Variants in MAP3K9 observed in about 807,000 individuals in gnomAD.
MAP3K9 encodes the protein mixed lineage kinase 1 (tyr and ser/thr specificity).
In MAP3K9, 46 loss-of-function variants were observed where a neutral mutation model predicts 95.8. The ratio of observed to expected loss-of-function variants is 0.48; its 90% CI spans 0.38 to 0.61. The LOEUF (loss-of-function observed/expected upper bound fraction) is 0.61. Ranked by LOEUF, MAP3K9 falls within the 20% of genes least tolerant of loss-of-function variation. The probability of loss-of-function intolerance (pLI) is 0.00; values close to 1 mark genes in which losing one functional copy is unlikely to be tolerated. For synonymous variants in MAP3K9, 533 were observed against 593.8 expected (o/e 0.90, Z 1.49); for missense variants, 1,296 against 1,474.3 (o/e 0.88, Z 1.98).
At chr14:70,798,471 G>GTTTTTTTTTTTTTTTTTTTTTTTTTTTT (rs1170327816) in intron 2 of MAP3K9, among the ~76,000 whole-genome samples, 1 of 65,440 alleles carries the variant, frequency 1.5e-5, no homozygotes, top group Non-Finnish European at 2.7e-5. Flanking sequence ...GTCACCAAAA[G>GTTTTTTTTTTTTTTTTTTTTTTTTTTTT]TTTTTTTTTT....
Position 70,734,410 on chromosome 14 carries a change from C to A in MAP3K9, c.2002G>T (p.Gly668Trp), listed in dbSNP as rs1263923343. The A allele has an allele frequency of 6.2e-7, 1 of 1,614,018 alleles. No individual in the cohort carries two copies. Among genetic ancestry groups the A allele is most frequent in the East Asian group, 2.2e-5 (1 of 44,882 alleles). Residue 668 changes from glycine to tryptophan, a missense_variant, in exon 10 of 12, where the codon GGG (glycine) becomes TGG (tryptophan). Physicochemically the swap from Gly to Trp is radical, Grantham distance 184. This residue lies in a region of MAP3K9 where 377 missense variants were observed against 417.1 expected (regional missense o/e 0.90). Coordinates refer to ENST00000554752, the MANE Select transcript of MAP3K9 (RefSeq NM_001284230.2). ...KGPRSSPALP[G>W]FTSLMEMEDE... ...CCCATCTCCATAAGGCTGGTGAACC[C>A]TGGCAGGGCCGGGCTACTCCTTGGG...
chr14:70,773,243 G>C (rs2054554218), intron 2 of MAP3K9, among the ~76,000 whole-genome samples: 1 of 152,198 alleles, frequency 6.6e-6, no homozygotes, highest in Admixed American at 6.5e-5. Flanking sequence ...CCAAGCAAGT[G>C]TCTCAAGGCC....
rs191097939 is a variant in MAP3K9 at position 70,781,104 on chromosome 14, C to T, written c.820+19563G>A. 3.4e-3 allele frequency among the ~76,000 whole-genome samples: 516 copies of T among 152,372 alleles called. 12 individuals are homozygous for T. Among genetic ancestry groups the T allele is most frequent in the Non-Finnish European group, 1.1e-3 (75 of 68,040 alleles). ...GAGAGGTGGGTCTGTGTCCTCTCCACTTGAAGCTGAGTGGTCTTGAGACTC... is the reference window on the plus strand; with the variant it reads ...GAGAGGTGGGTCTGTGTCCTCTCCATTTGAAGCTGAGTGGTCTTGAGACTC... On this transcript the variant is annotated intron_variant, in intron 2 of 11. Coordinates refer to ENST00000554752, the MANE Select transcript of MAP3K9 (RefSeq NM_001284230.2).
At chr14:70,749,133 T>C in intron 4 of MAP3K9, 129 bp from the exon 5 acceptor site, 1 of 848,004 alleles carries the variant, frequency 1.2e-6, no homozygotes, top group East Asian at 2.5e-5. Flanking sequence ...AGATCAGAAT[T>C]TAGGTAACCT....
chr14:70,788,591 A>G (rs2054772934), intron 2 of MAP3K9, among the ~76,000 whole-genome samples: 1 of 152,232 alleles, frequency 6.6e-6, no homozygotes, highest in African/African-American at 2.4e-5. Context: ...CTCATCCCCA[A>G]AAGAAGAGAG....
intron 2 of MAP3K9, among the ~76,000 whole-genome samples, chr14:70,781,683 T>C (rs2054678200): frequency 6.6e-6 from 1 of 152,198 alleles, no homozygotes; most frequent in African/African-American, 2.4e-5. Context: ...ATAACTTCAT[T>C]TAATCCTCAT....
chr14:70,758,644 A>C (rs1444773719), intron 3 of MAP3K9, among the ~76,000 whole-genome samples: 1 of 152,278 alleles, frequency 6.6e-6, no homozygotes, highest in Non-Finnish European at 1.5e-5. Context: ...CCAAAAAGCA[A>C]AAACAACCCA....
intron 5 of MAP3K9, among the ~76,000 whole-genome samples, chr14:70,746,868 C>G (rs995362881): frequency 1.3e-5 from 2 of 152,100 alleles, no homozygotes; most frequent in Admixed American, 1.3e-4. Context: ...AACCAAGGGT[C>G]AGTGATGCAG....
chr14:70,802,901 C>T (rs1049090553), intron 1 of MAP3K9, among the ~76,000 whole-genome samples: 3 of 151,922 alleles, frequency 2.0e-5, no homozygotes, highest in African/African-American at 7.3e-5. Context: ...ATATTTGAAC[C>T]CTCTGATTTT....
At chr14:70,751,359 C>A (rs1037808895) in intron 3 of MAP3K9, among the ~76,000 whole-genome samples, 30 of 152,176 alleles carry the variant, frequency 2.0e-4, no homozygotes, top group African/African-American at 7.2e-4. Flanking sequence ...ATGTTTTCAA[C>A]ACCAAATTCA....
rs568555490 is a variant in MAP3K9 at position 70,797,150 on chromosome 14, C to T, written c.820+3517G>A. On this transcript the variant is annotated intron_variant, in intron 2 of 11. Coordinates refer to ENST00000554752, the MANE Select transcript of MAP3K9 (RefSeq NM_001284230.2). ...AACTGCTTTCTCTTTCCCACAAAGA[C>T]AGCTCCTGTGTATACATACTCTTTT... 1.8e-4 allele frequency among the ~76,000 whole-genome samples: 27 copies of T among 152,284 alleles called. No individual in the cohort carries two copies. In the South Asian group the frequency reaches 2.3e-3, roughly 13 times the overall value.
chr14:70,761,949 A>G (rs2054381133), intron 2 of MAP3K9, among the ~76,000 whole-genome samples: 1 of 151,688 alleles, frequency 6.6e-6, no homozygotes, highest in African/African-American at 2.4e-5. Context: ...AGCAATCACC[A>G]ATGTCCTTTG....
chr14:70,760,979 G>A (rs761383741), intron 3 of MAP3K9, 23 bp downstream of exon 3: 112 of 1,609,472 alleles, frequency 7.0e-5, no homozygotes, highest in Non-Finnish European at 8.3e-5. Flanking sequence ...AGGAAATGCT[G>A]TCCCTGCCCC....
At chr14:70,753,378 G>T (rs1312751179) in intron 3 of MAP3K9, among the ~76,000 whole-genome samples, 2 of 152,214 alleles carry the variant, frequency 1.3e-5, no homozygotes, top group African/African-American at 2.4e-5. Context: ...GACTAAACTA[G>T]TTTTCCTCTG....
intron 2 of MAP3K9, among the ~76,000 whole-genome samples, chr14:70,787,679 C>T (rs1222315146): frequency 6.6e-6 from 1 of 152,108 alleles, no homozygotes; most frequent in Non-Finnish European, 1.5e-5. Context: ...CTCCAAGGAA[C>T]ACCTTCCTCT....
intron 2 of MAP3K9, among the ~76,000 whole-genome samples, chr14:70,793,536 AAAAT>A (rs200506297): frequency 0.018 from 2,741 of 152,232 alleles, 52 homozygotes; most frequent in East Asian, 0.093. Context: ...AATAAAAAAT[AAAAT>A]AAATAAATAA....
At chr14:70,792,592 C>T (rs138854697) in intron 2 of MAP3K9, among the ~76,000 whole-genome samples, 43 of 152,326 alleles carry the variant, frequency 2.8e-4, no homozygotes, top group African/African-American at 1.0e-3. Context: ...ACTCCTCATC[C>T]TTTTTCGAGG....
intron 1 of MAP3K9, among the ~76,000 whole-genome samples, chr14:70,806,301 C>T (rs2054989339): frequency 6.6e-6 from 1 of 152,194 alleles, no homozygotes; most frequent in Non-Finnish European, 1.5e-5. Context: ...CCTCATGTAA[C>T]TTATAAGCAA....
chr14:70,732,485 T>C, intron 11 of MAP3K9, 54 bp downstream of exon 11: 1 of 1,499,972 alleles, frequency 6.7e-7, no homozygotes, highest in Non-Finnish European at 8.9e-7. Context: ...GCAAACATCT[T>C]CACTCCCTGA....
Sources: allele counts gnomAD v4.1 joint callset (sites outside exome capture counted in the v4.1 genomes callset), GRCh38; gene constraint gnomAD v4.1.1; regional missense constraint gnomAD v4.1.1; transcripts MANE v1.5; gene names NCBI Gene and HGNC (gene_info 2026-07-23, HGNC 2026-07-21).